The following STAG1 variants were observed in gnomAD, a reference collection of about 807,000 sequenced individuals.
STAG1 encodes cohesin subunit SA-1.
STAG1 carries 26 observed loss-of-function variants against 170.9 expected under a neutral mutation model. The observed-to-expected ratio is 0.15, with a 90% confidence interval of 0.11 to 0.21. The LOEUF is 0.21. Ranked by LOEUF, STAG1 falls within the 10% of genes least tolerant of loss-of-function variation. STAG1 has a pLI of 1.00. For synonymous variants in STAG1, 514 were observed against 497.7 expected, an observed-to-expected ratio of 1.03 and a Z score of -0.44; for missense variants, 964 against 1,509.5, an observed-to-expected ratio of 0.64 and a Z score of 5.99.
At chr3:136,668,864 A>G (rs1941896133) in intron 1 of STAG1, among the ~76,000 whole-genome samples, 1 of 152,164 alleles carries the variant, frequency 6.6e-6, no homozygotes, top group Non-Finnish European at 1.5e-5. Context: ...TCGAAGCAAA[A>G]CACTTCCAGA....
intron 1 of STAG1, among the ~76,000 whole-genome samples, chr3:136,722,721 A>C (rs1576811737): frequency 1.7e-5 from 2 of 115,728 alleles, no homozygotes; most frequent in South Asian, 2.7e-4. Flanking sequence ...CTCTCTTTCC[A>C]CGGTCTCCCA....
intron 1 of STAG1, among the ~76,000 whole-genome samples, chr3:136,750,051 TAC>T (rs761681587): frequency 6.6e-5 from 10 of 152,064 alleles, no homozygotes; most frequent in Non-Finnish European, 1.5e-4. Flanking sequence ...ATTATGAACA[TAC>T]ACAGAGTCAG....
intron 3 of STAG1, among the ~76,000 whole-genome samples, chr3:136,606,301 G>C (rs1001115855): frequency 6.6e-6 from 1 of 151,780 alleles, no homozygotes; most frequent in Non-Finnish European, 1.5e-5. Context: ...TGATTCTCCT[G>C]CCTCAGCCTC....
rs1468626972 is a variant in STAG1 at position 136,337,415 on chromosome 3, A to ATACTT, written c.*834_*838dup. 4 of 152,768 alleles carry ATACTT rather than the reference A, an allele frequency of 2.6e-5. No individual in the cohort carries two copies. Among genetic ancestry groups the ATACTT allele is most frequent in the Non-Finnish European group, 4.4e-5 (3 of 68,026 alleles). 9.5% of individuals were successfully genotyped at this position (152,768 alleles called of 1,614,324 possible). ...GAGAATCATTTTCGTTTTACTGAGAATACTTTATTTGCTGGTAGAAGTTGC... is the reference window on the plus strand; with the variant it reads ...GAGAATCATTTTCGTTTTACTGAGAATACTTTACTTTATTTGCTGGTAGAAGTTGC... On this transcript the variant is annotated 3_prime_UTR_variant, in exon 34 of 34. Transcript: ENST00000383202.
intron 5 of STAG1, among the ~76,000 whole-genome samples, chr3:136,551,450 G>A (rs1366188064): frequency 1.0e-5 from 1 of 100,162 alleles, no homozygotes; most frequent in African/African-American, 3.8e-5. Flanking sequence ...TTTTGGCAGG[G>A]GGAAGAGGGG....
chr3:136,637,629 C>T (rs191422069), intron 1 of STAG1, among the ~76,000 whole-genome samples: 1 of 152,208 alleles, frequency 6.6e-6, no homozygotes, highest in African/African-American at 2.4e-5. Context: ...TCTCATACCA[C>T]GTATTCTACT....
At chr3:136,513,356 C>CAA (rs377711912) in intron 7 of STAG1, among the ~76,000 whole-genome samples, 1 of 137,302 alleles carries the variant, frequency 7.3e-6, no homozygotes, top group South Asian at 2.3e-4. Context: ...GACCCCGTCT[C>CAA]AAAAAAAAAA....
chr3:136,466,972 C>T (rs2089481073), intron 12 of STAG1, among the ~76,000 whole-genome samples: 1 of 152,114 alleles, frequency 6.6e-6, no homozygotes, highest in Admixed American at 6.6e-5. Flanking sequence ...TTGTCACCAC[C>T]AAGCCTGCCC....
At chr3:136,518,747 GTTTT>G (rs1450920767) in intron 7 of STAG1, among the ~76,000 whole-genome samples, 1 of 151,976 alleles carries the variant, frequency 6.6e-6, no homozygotes, top group Non-Finnish European at 1.5e-5. Flanking sequence ...TTGTTAATTT[GTTTT>G]TTTGATATCT....
At position 136,629,664 on chromosome 3, in the gene STAG1, A is replaced by G. The variant is rs1940248840; in HGVS notation, c.29+1206T>C. Among the ~76,000 whole-genome samples, 3 of 152,100 alleles carry G rather than the reference A, an allele frequency of 2.0e-5. No individual in the cohort carries two copies. The South Asian group carries it at 6.2e-4, about 32-fold the overall frequency. On this transcript the variant is annotated intron_variant, in intron 2 of 33. Transcript: ENST00000383202. ...TAGCTCTGTGTCTTAGAATGCTGGA[A>G]GGGAAAAAAAGAAGGCCAAGAGATC...
At chr3:136,631,106 C>T in intron 1 of STAG1, 125 bp from the exon 2 acceptor site, 1 of 501,626 alleles carries the variant, frequency 2.0e-6, no homozygotes, top group East Asian at 3.3e-5. Flanking sequence ...GAGCTGAAAA[C>T]CAATGTCCAC....
At chr3:136,582,738 G>T (rs1937617553) in intron 4 of STAG1, among the ~76,000 whole-genome samples, 1 of 152,204 alleles carries the variant, frequency 6.6e-6, no homozygotes, top group Admixed American at 6.5e-5. Flanking sequence ...GACGGAGGCT[G>T]CAGTGAGCAG....
intron 1 of STAG1, among the ~76,000 whole-genome samples, chr3:136,751,068 T>C (rs1158769227): frequency 6.6e-6 from 1 of 152,230 alleles, no homozygotes; most frequent in Non-Finnish European, 1.5e-5. Flanking sequence ...GTAAACACTA[T>C]TTTTGCGAAG....
intron 29 of STAG1, among the ~76,000 whole-genome samples, chr3:136,346,008 T>C (rs1176902395): frequency 4.6e-5 from 7 of 152,246 alleles, no homozygotes; most frequent in South Asian, 2.1e-4. Context: ...TAAAATTTTA[T>C]GATAAAAAGA....
intron 16 of STAG1, among the ~76,000 whole-genome samples, chr3:136,427,320 T>C (rs1044608074): frequency 2.6e-5 from 4 of 152,210 alleles, no homozygotes; most frequent in Admixed American, 2.6e-4. Context: ...ACATCTACTG[T>C]TGCTATTGCA....
At chr3:136,351,842 C>T (rs559325246) in intron 28 of STAG1, among the ~76,000 whole-genome samples, 1 of 152,292 alleles carries the variant, frequency 6.6e-6, no homozygotes, top group South Asian at 2.1e-4. Context: ...AAGCCATACA[C>T]ATATCCAACA....
intron 1 of STAG1, among the ~76,000 whole-genome samples, chr3:136,711,922 A>G (rs1217945955): frequency 6.6e-6 from 1 of 152,240 alleles, no homozygotes; most frequent in Non-Finnish European, 1.5e-5. Context: ...GAATAACTCC[A>G]TTACCTCCAA....
At chr3:136,751,683 T>C (rs1935250611) in intron 1 of STAG1, among the ~76,000 whole-genome samples, 1 of 151,840 alleles carries the variant, frequency 6.6e-6, no homozygotes, top group African/African-American at 2.4e-5. Context: ...AATGAACTCG[T>C]TGTCATGTGA....
intron 7 of STAG1, among the ~76,000 whole-genome samples, chr3:136,516,385 G>C (rs942165312): frequency 1.4e-4 from 21 of 152,072 alleles, no homozygotes; most frequent in African/African-American, 4.8e-4. Context: ...GCATGCACCT[G>C]TGGTCCCAGC....
Sources: gnomAD v4.1 joint callset for allele counts (sites outside exome capture counted in the v4.1 genomes callset) on GRCh38, gnomAD v4.1.1 for gene constraint, MANE v1.5 for transcripts, NCBI Gene and HGNC (gene_info 2026-07-23, HGNC 2026-07-21) for gene names.